KIRREL3: variants seen among roughly 807,000 people sequenced by gnomAD.
KIRREL3 encodes kirre like nephrin family adhesion molecule 3.
KIRREL3 carries 36 observed loss-of-function variants against 89.7 expected under a neutral mutation model. The observed-to-expected ratio is 0.40, with a 90% CI of 0.31 to 0.53. KIRREL3 has a LOEUF of 0.53. KIRREL3 is among the 20% of genes least tolerant of loss of function. The pLI, the probability that KIRREL3 is intolerant of heterozygous loss-of-function variation, is 0.49. For synonymous variants in KIRREL3, 445 were observed against 441.4 expected (o/e 1.01, Z -0.10); for missense variants, 864 against 1,056.6 (o/e 0.82, Z 2.53).
chr11:126,794,933 G>A (rs970584899), intron 1 of KIRREL3, among the ~76,000 whole-genome samples: 2 of 152,194 alleles, frequency 1.3e-5, no homozygotes, highest in Non-Finnish European at 2.9e-5. Flanking sequence ...GAGGTATCAA[G>A]CCACAAAAAT....
rs1191691191 is a variant in KIRREL3, at chr11:126,522,037, C to A, written c.284-573G>T. Among the ~76,000 whole-genome samples the A allele has an allele frequency of 6.6e-6, 1 of 152,108 alleles. No homozygotes were observed. The highest frequency in any genetic ancestry group is 2.4e-5 in the African/African-American group (1 of 41,402). ...GGGATTATAGGCATGAGCCACCATG[C>A]CCGGCCATGTAAGGGTCTTGTTGGT... On this transcript the variant is annotated intron_variant, in intron 3 of 16. Coordinates refer to ENST00000525144, the MANE Select transcript of KIRREL3 (RefSeq NM_032531.4). The surrounding 1 kb of genome is among the most constrained non-coding windows in gnomAD (Gnocchi z 6.0).
rs758902774 is a variant in KIRREL3 at position 126,641,236 on chromosome 11, A to G, written c.56-78324T>C. On this transcript the variant is annotated intron_variant, in intron 1 of 16. Coordinates refer to ENST00000525144, the MANE Select transcript of KIRREL3 (RefSeq NM_032531.4). The surrounding 1 kb of genome is among the most constrained non-coding windows in gnomAD (Gnocchi z 5.0). ...TCAATGTAGCCTGTTGTCTCAAAAT[A>G]TATTATAAACCAACCACCTCTCACC... Among the ~76,000 whole-genome samples the G allele has an allele frequency of 1.3e-5, 2 of 152,148 alleles. No individual in the cohort carries two copies. Among genetic ancestry groups the G allele is most frequent in the Non-Finnish European group, 1.5e-5 (1 of 68,038 alleles).
At chr11:126,649,124 A>T (rs1473932128) in intron 1 of KIRREL3, among the ~76,000 whole-genome samples, 1 of 152,140 alleles carries the variant, frequency 6.6e-6, no homozygotes, top group East Asian at 1.9e-4. Flanking sequence ...CATATTCACT[A>T]CCCCTAGAAC....
At position 126,519,186 on chromosome 11, in the gene KIRREL3, G is replaced by A. The variant is rs964887535; in HGVS notation, c.433+2129C>T. Among the ~76,000 whole-genome samples the A allele has an allele frequency of 6.6e-6, 1 of 152,216 alleles. No individual in the cohort carries two copies. The highest frequency in any genetic ancestry group is 1.5e-5 in the Non-Finnish European group (1 of 68,044). On this transcript the variant is annotated intron_variant, in intron 4 of 16. Transcript: ENST00000525144. This position sits in a 1 kb window ranked among gnomAD's most constrained non-coding sequence, Gnocchi z 4.3. ...CCATGCCACCGGAGAGGAAGGGGGA[G>A]CGAATGCCTTTTAGACATGACCTAA...
chr11:126,594,440 G>T lies in KIRREL3; in HGVS notation c.56-31528C>A, dbSNP rs935695190. ...GAGAAGCTACAGGGTGTAGGAGAAA[G>T]AACATGAGTTTGGAATCGCTGGAAA... On this transcript the variant is annotated intron_variant, in intron 1 of 16. Coordinates refer to ENST00000525144, the MANE Select transcript of KIRREL3 (RefSeq NM_032531.4). The surrounding 1 kb of genome is among the most constrained non-coding windows in gnomAD (Gnocchi z 5.0). Among the ~76,000 whole-genome samples the T allele has an allele frequency of 2.6e-5, 4 of 152,190 alleles. No homozygotes were observed. Among genetic ancestry groups the T allele is most frequent in the Non-Finnish European group, 4.4e-5 (3 of 68,034 alleles).
intron 1 of KIRREL3, among the ~76,000 whole-genome samples, chr11:126,595,947 G>A (rs980562310): frequency 6.6e-6 from 1 of 152,208 alleles, no homozygotes; most frequent in Admixed American, 6.5e-5. Context: ...ATGATTAAGG[G>A]TCACAATATA....
chr11:126,551,001 T>C lies in KIRREL3; in HGVS notation c.133+11834A>G, dbSNP rs1385283662. 6.6e-6 allele frequency among the ~76,000 whole-genome samples: 1 copy of C among 152,162 alleles called. No homozygotes were observed. Among genetic ancestry groups the C allele is most frequent in the Non-Finnish European group, 1.5e-5 (1 of 68,032 alleles). Reference sequence around the variant, plus strand: ...TGGCAGACCCGCTGCAAGTTGGGGGTTCCCAAGACCTTCTGTTTGGGTTTG... The same window carrying C: ...TGGCAGACCCGCTGCAAGTTGGGGGCTCCCAAGACCTTCTGTTTGGGTTTG... On this transcript the variant is annotated intron_variant, in intron 2 of 16. Transcript: ENST00000525144. The surrounding 1 kb of genome is among the most constrained non-coding windows in gnomAD (Gnocchi z 4.9).
At chr11:126,701,513 T>A (rs934325286) in intron 1 of KIRREL3, among the ~76,000 whole-genome samples, 3 of 152,164 alleles carry the variant, frequency 2.0e-5, no homozygotes, top group Non-Finnish European at 4.4e-5. Context: ...TCAGCCTGTG[T>A]CGAGTCATCA....
intron 1 of KIRREL3, among the ~76,000 whole-genome samples, chr11:126,741,184 C>A (rs1296348120): frequency 2.0e-5 from 3 of 152,196 alleles, no homozygotes; most frequent in Non-Finnish European, 4.4e-5. Context: ...GCTTCACCTT[C>A]TGTTCTCCAT....
chr11:126,743,093 T>C (rs572820889), intron 1 of KIRREL3, among the ~76,000 whole-genome samples: 3 of 152,314 alleles, frequency 2.0e-5, no homozygotes, highest in African/African-American at 7.2e-5. Flanking sequence ...ATGGGCTTGT[T>C]TTCTGCCCAA....
In KIRREL3 at chr11:126,431,156, G is replaced by A. The variant is rs916469078; in HGVS notation, c.1696+263C>T. On this transcript the variant is annotated intron_variant, in intron 14 of 16. Transcript: ENST00000525144. This position sits in a 1 kb window ranked among gnomAD's most constrained non-coding sequence, Gnocchi z 7.1. ...TACAGTTCCTGACTGAAAGAGCTAT[G>A]TGTTCAATCCAAAATGCTGGCTGCC... 4.2e-6 allele frequency: 6 copies of A among 1,442,350 alleles called. No homozygotes were observed. The African/African-American group carries it at 8.6e-5, about 21-fold the overall frequency. 89.3% of individuals were successfully genotyped at this position (1,442,350 alleles called of 1,614,324 possible). A position where few individuals can be genotyped will look rare whatever the true frequency, so the allele number is the denominator to read the frequency against.
rs1326060788 is a variant in KIRREL3, at chr11:126,610,162, C to G, written c.56-47250G>C. Among the ~76,000 whole-genome samples, 1 of 152,114 alleles carries G rather than the reference C, an allele frequency of 6.6e-6. No individual in the cohort carries two copies. Among genetic ancestry groups the G allele is most frequent in the East Asian group, 1.9e-4 (1 of 5,184 alleles). The stretch of plus-strand genomic sequence containing the variant: ...CTGGAGTGCAGCAGCAAGATCTCGG[C>G]TCACTGCAACCTTCGCCTCCCAGGT... On this transcript the variant is annotated intron_variant, in intron 1 of 16. Transcript: ENST00000525144. This position sits in a 1 kb window ranked among gnomAD's most constrained non-coding sequence, Gnocchi z 4.6.
rs576918201 is a variant in KIRREL3, at chr11:126,978,131, T to C, written c.55+22324A>G. 1.3e-5 allele frequency among the ~76,000 whole-genome samples: 2 copies of C among 152,276 alleles called. No individual in the cohort carries two copies. The highest frequency in any genetic ancestry group is 2.9e-5 in the Non-Finnish European group (2 of 68,014). ...GATAATGGTCAGCACATTGTGGCGT[T>C]GGATTTTTCTGCTACTTAAATTTAT... On this transcript the variant is annotated intron_variant, in intron 1 of 16. Transcript: ENST00000525144. This position sits in a 1 kb window ranked among gnomAD's most constrained non-coding sequence, Gnocchi z 4.2.
intron 1 of KIRREL3, among the ~76,000 whole-genome samples, chr11:126,695,573 G>A (rs754617748): frequency 6.0e-4 from 92 of 152,236 alleles, no homozygotes; most frequent in Admixed American, 1.1e-3. Context: ...TAGAGACACC[G>A]GTGTGTCCTT....
chr11:126,735,120 C>T (rs538460354), intron 1 of KIRREL3, among the ~76,000 whole-genome samples: 5 of 152,296 alleles, frequency 3.3e-5, no homozygotes, highest in Non-Finnish European at 5.9e-5. Context: ...TAGGAGGTTA[C>T]ATGCAAACTC....
At chr11:126,648,952 G>T (rs1320128177) in intron 1 of KIRREL3, among the ~76,000 whole-genome samples, 1 of 152,144 alleles carries the variant, frequency 6.6e-6, no homozygotes, top group Non-Finnish European at 1.5e-5. Context: ...CTCGAGAATG[G>T]GAAGAAAAAC....
In KIRREL3 at chr11:126,647,220, A is replaced by G. The variant is rs78732279; in HGVS notation, c.56-84308T>C. 4.3e-3 allele frequency among the ~76,000 whole-genome samples: 655 copies of G among 152,320 alleles called. 6 individuals are homozygous for G. Among genetic ancestry groups the G allele is most frequent in the African/African-American group, 0.015 (628 of 41,576 alleles). On this transcript the variant is annotated intron_variant, in intron 1 of 16. Coordinates refer to ENST00000525144, the MANE Select transcript of KIRREL3 (RefSeq NM_032531.4). The surrounding 1 kb of genome is among the most constrained non-coding windows in gnomAD (Gnocchi z 4.9). ...CACCCCTGCTACTCTGCCAGGAGCT[A>G]TAGAAAGAAAAATCTCCAAGCCCCA...
At chr11:126,751,198 A>G (rs1337244136) in intron 1 of KIRREL3, among the ~76,000 whole-genome samples, 1 of 152,148 alleles carries the variant, frequency 6.6e-6, no homozygotes, top group Non-Finnish European at 1.5e-5. Flanking sequence ...AGCTCATTCA[A>G]TCCACTCCTC....
rs201760353 is a variant in KIRREL3, at chr11:126,610,096, CTT to C, written c.56-47186_56-47185del. 6.8e-6 allele frequency among the ~76,000 whole-genome samples: 1 copy of C among 147,790 alleles called. No individual in the cohort carries two copies. Among genetic ancestry groups the C allele is most frequent in the African/African-American group, 2.5e-5 (1 of 40,382 alleles). On this transcript the variant is annotated intron_variant, in intron 1 of 16. Coordinates refer to ENST00000525144, the MANE Select transcript of KIRREL3 (RefSeq NM_032531.4). This position sits in a 1 kb window ranked among gnomAD's most constrained non-coding sequence, Gnocchi z 4.6. ...CTGACTCCAAAATCTGTGCTGTTAA[CTT>C]TTTTTTTTTTGAGACAGAATTTTGC...
Sources: gnomAD v4.1 joint callset for allele counts (sites outside exome capture counted in the v4.1 genomes callset) on GRCh38, gnomAD v4.1.1 for gene constraint, Gnocchi (gnomAD v3.1) non-coding constraint, MANE v1.5 for transcripts, NCBI Gene and HGNC (gene_info 2026-07-23, HGNC 2026-07-21) for gene names.